The following CACNG4 variants were observed in gnomAD, a reference collection of about 807,000 sequenced individuals.
The protein encoded by CACNG4 is calcium voltage-gated channel auxiliary subunit gamma 4.
A neutral mutation model predicts 22.9 loss-of-function variants in CACNG4; 8 were observed. That is an observed-to-expected ratio of 0.35 (90% CI 0.21 to 0.63). The LOEUF (loss-of-function observed/expected upper bound fraction) is 0.63, where lower values mean the gene tolerates loss of function less well. Among genes scored for constraint, CACNG4 ranks in the 30% least tolerant of loss-of-function variants. The pLI, the probability that CACNG4 is intolerant of heterozygous loss-of-function variation, is 0.72. For missense variants in CACNG4, 357 were observed against 455.4 expected (o/e 0.78, Z 1.97); for synonymous variants, 188 against 191.9 (o/e 0.98, Z 0.17).
intron 1 of CACNG4, among the ~76,000 whole-genome samples, chr17:66,997,089 G>T (rs1370498880): frequency 1.3e-5 from 2 of 152,180 alleles, no homozygotes; most frequent in Non-Finnish European, 2.9e-5. Context: ...ACTCTATGCT[G>T]TGGGAGGTGG....
At chr17:66,985,687 G>A (rs1164298212) in intron 1 of CACNG4, among the ~76,000 whole-genome samples, 3 of 152,198 alleles carry the variant, frequency 2.0e-5, no homozygotes, top group Non-Finnish European at 2.9e-5. Flanking sequence ...GACATTTTAT[G>A]GAGCACCCAG....
intron 2 of CACNG4, among the ~76,000 whole-genome samples, chr17:67,023,604 T>C (rs1189521348): frequency 8.8e-6 from 1 of 113,236 alleles, no homozygotes; most frequent in Non-Finnish European, 1.8e-5. Flanking sequence ...AGAATGTCAC[T>C]CTTGTCGCCC....
At chr17:66,971,606 C>T (rs1417097533) in intron 1 of CACNG4, among the ~76,000 whole-genome samples, 1 of 151,916 alleles carries the variant, frequency 6.6e-6, no homozygotes, top group African/African-American at 2.4e-5. Flanking sequence ...GTGTGGGGAG[C>T]GGCTGGAGGG....
At chr17:66,972,787 G>T (rs749010335) in intron 1 of CACNG4, among the ~76,000 whole-genome samples, 37 of 151,810 alleles carry the variant, frequency 2.4e-4, no homozygotes, top group Non-Finnish European at 4.9e-4. Flanking sequence ...TTAGCCGGGC[G>T]TAGTGGTGCA....
At chr17:67,028,255 T>G (rs1449144839) in intron 3 of CACNG4, among the ~76,000 whole-genome samples, 1 of 151,798 alleles carries the variant, frequency 6.6e-6, no homozygotes, top group South Asian at 2.1e-4. Context: ...CACAGCACTT[T>G]ATGATAAAAC....
At chr17:67,000,752 A>T (rs1443050721) in intron 1 of CACNG4, among the ~76,000 whole-genome samples, 1 of 152,150 alleles carries the variant, frequency 6.6e-6, no homozygotes, top group Non-Finnish European at 1.5e-5. Flanking sequence ...TTTAGTCTGA[A>T]GATGGACAGC....
At chr17:66,991,346 A>AT (rs58418932) in intron 1 of CACNG4, among the ~76,000 whole-genome samples, 91 of 152,034 alleles carry the variant, frequency 6.0e-4, no homozygotes, top group African/African-American at 2.1e-3. Flanking sequence ...ACAAAAAAAA[A>AT]CACTTCCGAA....
intron 1 of CACNG4, among the ~76,000 whole-genome samples, chr17:66,970,716 CCT>C (rs1264567761): frequency 5.3e-5 from 8 of 152,160 alleles, no homozygotes; most frequent in African/African-American, 1.9e-4. Context: ...TCCCAGAGGC[CCT>C]GTCTCCAAAT....
At chr17:67,010,139 T>C (rs1839252856) in intron 1 of CACNG4, among the ~76,000 whole-genome samples, 1 of 152,102 alleles carries the variant, frequency 6.6e-6, no homozygotes, top group Non-Finnish European at 1.5e-5. Context: ...TTCTCAAAAA[T>C]CCTAACCTTG....
In CACNG4 at chr17:67,033,028, T is replaced by C. The variant is rs2035618763; in HGVS notation, c.*2024T>C. ...GCTGTGTTCCAATGAATCCTACCTC[T>C]TGCCCAGTCCCAGGCAGAGTAAGCA... On this transcript the variant is annotated 3_prime_UTR_variant, in exon 4 of 4. Transcript: ENST00000262138. 6.5e-6 allele frequency: 1 copy of C among 152,684 alleles called. No homozygotes were observed. The highest frequency in any genetic ancestry group is 2.1e-4 in the South Asian group (1 of 4,822). 9.5% of individuals were successfully genotyped at this position (152,684 alleles called of 1,614,324 possible).
chr17:67,005,477 A>G (rs1293647242), intron 1 of CACNG4, among the ~76,000 whole-genome samples: 1 of 152,206 alleles, frequency 6.6e-6, no homozygotes, highest in East Asian at 1.9e-4. Context: ...TCACAACACA[A>G]GATTCTTAGA....
In CACNG4 at chr17:66,982,101, G is replaced by C. The variant is rs563158013; in HGVS notation, c.220+16970G>C. ...GCGGTGAGTGTTACAGCTCTTAAAG[G>C]TGGCACGGACCCAAAGAGTGAGCAG... On this transcript the variant is annotated intron_variant, in intron 1 of 3. Coordinates refer to ENST00000262138, the MANE Select transcript of CACNG4 (RefSeq NM_014405.4). Among the ~76,000 whole-genome samples the C allele has an allele frequency of 6.6e-5, 10 of 152,312 alleles. No homozygotes were observed. The South Asian group carries it at 1.7e-3, about 25-fold the overall frequency.
chr17:66,972,836 G>T (rs1177971385), intron 1 of CACNG4, among the ~76,000 whole-genome samples: 3 of 152,168 alleles, frequency 2.0e-5, no homozygotes, highest in African/African-American at 7.2e-5. Context: ...TGAGGCAGGA[G>T]AATTGCTTGA....
At chr17:67,004,330 C>T (rs1014025761) in intron 1 of CACNG4, among the ~76,000 whole-genome samples, 2 of 152,138 alleles carry the variant, frequency 1.3e-5, no homozygotes, top group Admixed American at 6.5e-5. Flanking sequence ...CGGCAGGAAG[C>T]CTGGAAAATC....
chr17:67,019,041 C>T (rs2035516895), intron 2 of CACNG4, among the ~76,000 whole-genome samples: 1 of 152,144 alleles, frequency 6.6e-6, no homozygotes, highest in Non-Finnish European at 1.5e-5. Flanking sequence ...AGAAAAATTG[C>T]ACCATTTTGG....
At chr17:67,029,547 T>C (rs567954214) in intron 3 of CACNG4, among the ~76,000 whole-genome samples, 86 of 151,864 alleles carry the variant, frequency 5.7e-4, no homozygotes, top group Admixed American at 1.6e-3. Flanking sequence ...GGCGGGAGAA[T>C]TGCTTGAACC....
chr17:66,977,537 C>T (rs1056919554), intron 1 of CACNG4, among the ~76,000 whole-genome samples: 8 of 152,188 alleles, frequency 5.3e-5, no homozygotes, highest in African/African-American at 1.7e-4. Context: ...GTTATTTTCT[C>T]ATCTGTAAAA....
At chr17:66,999,684 C>T (rs2035396491) in intron 1 of CACNG4, among the ~76,000 whole-genome samples, 1 of 152,132 alleles carries the variant, frequency 6.6e-6, no homozygotes, top group African/African-American at 2.4e-5. Context: ...CAATCACCTC[C>T]CTCCTTCAAC....
intron 1 of CACNG4, among the ~76,000 whole-genome samples, chr17:67,013,363 A>G (rs1200325850): frequency 1.3e-5 from 2 of 152,074 alleles, no homozygotes; most frequent in Non-Finnish European, 2.9e-5. Context: ...TTATTGGTTC[A>G]TTTTCAGATA....
Sources: allele counts gnomAD v4.1 joint callset (sites outside exome capture counted in the v4.1 genomes callset), GRCh38; gene constraint gnomAD v4.1.1; transcripts MANE v1.5; gene names NCBI Gene and HGNC (gene_info 2026-07-23, HGNC 2026-07-21).